UMODL1: variants seen among roughly 807,000 people sequenced by gnomAD.
UMODL1 encodes the protein uromodulin like 1, also known as uromodulin-like 1.
A neutral mutation model predicts 136.3 loss-of-function variants in UMODL1; 128 were observed. The observed-to-expected ratio is 0.94, with a 90% CI of 0.81 to 1.09. UMODL1 has a LOEUF of 1.09. Among genes scored for constraint, UMODL1 ranks in the 50% least tolerant of loss-of-function variants. The probability of loss-of-function intolerance (pLI) is 0.00; values close to 1 mark genes in which losing one functional copy is unlikely to be tolerated. For missense variants in UMODL1, 1,766 were observed against 1,725.6 expected, an observed-to-expected ratio of 1.02 and a Z score of -0.41; for synonymous variants, 721 against 720.0, an observed-to-expected ratio of 1.00 and a Z score of -0.02.
At chr21:42,128,111 A>G (rs2123370156) in intron 20 of UMODL1, 1 of 558,268 alleles carries the variant, frequency 1.8e-6, no homozygotes, top group Non-Finnish European at 3.4e-6. Context: ...CTGTCGCGTC[A>G]GCACTGCCTT....
chr21:42,097,123 T>A (rs12482477), intron 6 of UMODL1, among the ~76,000 whole-genome samples: 28,606 of 152,218 alleles, frequency 0.19, 3,154 homozygotes, highest in East Asian at 0.35. Context: ...AAAGAATGAA[T>A]CCATGTCTGT....
intron 21 of UMODL1, among the ~76,000 whole-genome samples, chr21:42,132,615 T>C (rs1236921938): frequency 6.6e-6 from 1 of 151,750 alleles, no homozygotes; most frequent in Non-Finnish European, 1.5e-5. Context: ...CATCCATCTA[T>C]CCATCCACCC....
chr21:42,134,402 A>C (rs1256434849), intron 21 of UMODL1, among the ~76,000 whole-genome samples: 1 of 152,100 alleles, frequency 6.6e-6, no homozygotes, highest in Non-Finnish European at 1.5e-5. Flanking sequence ...CACATTCATG[A>C]GCATGTCCCT....
upstream of UMODL1, among the ~76,000 whole-genome samples, chr21:42,069,309 G>T (rs188978212): frequency 1.2e-3 from 177 of 150,826 alleles, 1 homozygote; most frequent in African/African-American, 4.0e-3. Context: ...ATAAAACAGA[G>T]GTTGAAGGAG....
intron 6 of UMODL1, among the ~76,000 whole-genome samples, chr21:42,097,160 C>T (rs1264723082): frequency 6.6e-6 from 1 of 152,206 alleles, no homozygotes; most frequent in African/African-American, 2.4e-5. Flanking sequence ...CCGAAAATCA[C>T]TGGACAATCC....
chr21:42,102,090 A>G (rs2066641376), intron 7 of UMODL1, 76 bp from the exon 8 acceptor site: 1 of 1,124,394 alleles, frequency 8.9e-7, no homozygotes, highest in Non-Finnish European at 1.3e-6. Flanking sequence ...GCCAAAGAGT[A>G]GGCTTCATGG....
intron 14 of UMODL1, among the ~76,000 whole-genome samples, chr21:42,117,888 T>A (rs751896096): frequency 6.6e-6 from 1 of 152,258 alleles, no homozygotes; most frequent in African/African-American, 2.4e-5. Flanking sequence ...GTTTCTTGAT[T>A]AATCTTTCCT....
chr21:42,123,085 C>A lies in UMODL1; in HGVS notation c.3082C>A (p.His1028Asn). 6.2e-7 allele frequency: 1 copy of A among 1,614,130 alleles called. No individual in the cohort carries two copies. The highest frequency in any genetic ancestry group is 1.1e-5 in the South Asian group (1 of 91,080). The change falls in exon 17 of 23, where the codon CAC becomes AAC. Residue 1028 changes from histidine (H) to asparagine (N), a missense_variant. His to Asn is a moderately conservative substitution (Grantham distance 68, BLOSUM62 1). Transcript: ENST00000408910. This position sits in a 1 kb window ranked among gnomAD's most constrained non-coding sequence, Gnocchi z 4.4. ...CAGCCACCCCTCCTGCAACGTGAGC[C>A]ACAGCAATGGCACACACGTGCTCCT... ...YLSHPSCNVSHSNGTHVLLEA... is the reference protein window; with the variant it reads ...YLSHPSCNVSNSNGTHVLLEA...
intron 6 of UMODL1, 25 bp downstream of exon 6, chr21:42,090,463 G>A (rs1175963608): frequency 8.7e-6 from 14 of 1,611,932 alleles, no homozygotes; most frequent in African/African-American, 1.3e-5. Context: ...CTCTCAGATG[G>A]CATGGGAATG....
At chr21:42,079,506 G>A (rs893770283) in intron 2 of UMODL1, among the ~76,000 whole-genome samples, 7 of 152,210 alleles carry the variant, frequency 4.6e-5, no homozygotes, top group African/African-American at 1.4e-4. Flanking sequence ...GAGGGGAGGT[G>A]GACTCAACCT....
chr21:42,079,229 C>T (rs1272165623), intron 2 of UMODL1, among the ~76,000 whole-genome samples: 8 of 152,214 alleles, frequency 5.3e-5, no homozygotes. Flanking sequence ...TGTAAGAGAC[C>T]CTGGCCTGCT....
Position 42,102,298 on chromosome 21 carries a change from A to G in UMODL1, c.1299+20A>G. On this transcript the variant is annotated intron_variant, in intron 8 of 22. Transcript: ENST00000408910. ...CACGAGGTAAAGCCACAATGCAGAC[A>G]GAAATCTTTTCTTGGGTGTTCTGAG... 2 of 1,559,902 alleles carry G rather than the reference A, an allele frequency of 1.3e-6. No individual in the cohort carries two copies. Among genetic ancestry groups the G allele is most frequent in the Non-Finnish European group, 1.8e-6 (2 of 1,134,638 alleles).
chr21:42,090,282 C>T lies in UMODL1; in HGVS notation c.791-16C>T, dbSNP rs751647317. 2 of 1,614,028 alleles carry T rather than the reference C, an allele frequency of 1.2e-6. No individual in the cohort carries two copies. The highest frequency in any genetic ancestry group is 2.2e-5 in the East Asian group (1 of 44,874). On this transcript the variant is annotated splice_polypyrimidine_tract_variant and intron_variant, in intron 5 of 22. Coordinates refer to ENST00000408910, the MANE Select transcript of UMODL1 (RefSeq NM_001004416.3). ...CTGCGACTGCTGAGTGTGGGTCCTG[C>T]TCTCCTTCCCTGTAGATGTCAATGA...
chr21:42,131,889 C>A (rs2067138860), intron 21 of UMODL1, among the ~76,000 whole-genome samples: 1 of 152,202 alleles, frequency 6.6e-6, no homozygotes, highest in African/African-American at 2.4e-5. Context: ...CAGCCTATTT[C>A]TTTCACCCTA....
chr21:42,115,942 G>C lies in UMODL1; in HGVS notation c.2432G>C (p.Ser811Thr). The C allele has an allele frequency of 6.2e-7, 1 of 1,613,990 alleles. No homozygotes were observed. The highest frequency in any genetic ancestry group is 8.5e-7 in the Non-Finnish European group (1 of 1,179,982). Reference protein sequence around the residue: ...VRYSESFRNASSQEYRDFLEL... With the variant: ...VRYSESFRNATSQEYRDFLEL... ...TACTCAGAATCCTTTCGCAACGCAA[G>C]CAGCCAGGAGTATCGAGATTTCCTA... is the stretch of plus-strand genomic sequence containing the variant. The change falls in exon 14 of 23, where the codon AGC becomes ACC. Residue 811 changes from serine to threonine, a missense_variant. Transcript: ENST00000408910.
upstream of UMODL1, among the ~76,000 whole-genome samples, chr21:42,071,010 G>T (rs546667288): frequency 6.6e-6 from 1 of 152,228 alleles, no homozygotes; most frequent in African/African-American, 2.4e-5. Flanking sequence ...GGGATCCAGC[G>T]ATGCGGTCTG....
chr21:42,107,818 G>A (rs1359529076), intron 9 of UMODL1, among the ~76,000 whole-genome samples: 1 of 152,210 alleles, frequency 6.6e-6, no homozygotes, highest in Non-Finnish European at 1.5e-5. Context: ...TTCTGGGTGG[G>A]GCCAGCTCAG....
Position 42,099,410 on chromosome 21 carries a change from G to A in UMODL1, c.1186+230G>A, listed in dbSNP as rs2066599969. Among the ~76,000 whole-genome samples, 1 of 152,246 alleles carries A rather than the reference G, an allele frequency of 6.6e-6. No homozygotes were observed. Among genetic ancestry groups the A allele is most frequent in the Admixed American group, 6.5e-5 (1 of 15,302 alleles). On this transcript the variant is annotated intron_variant, in intron 7 of 22. Coordinates refer to ENST00000408910, the MANE Select transcript of UMODL1 (RefSeq NM_001004416.3). This position sits in a 1 kb window ranked among gnomAD's most constrained non-coding sequence, Gnocchi z 4.1. ...GCTTCCCTACATGTCGTCCTGTTAGGGGTTCGTTCTGCCGTGTGAGGGGAC... is the reference window on the plus strand; with the variant it reads ...GCTTCCCTACATGTCGTCCTGTTAGAGGTTCGTTCTGCCGTGTGAGGGGAC...
At position 42,085,922 on chromosome 21, in the gene UMODL1, G is replaced by A. The variant is rs373549099; in HGVS notation, c.603+510G>A. On this transcript the variant is annotated intron_variant, in intron 4 of 22. Coordinates refer to ENST00000408910, the MANE Select transcript of UMODL1 (RefSeq NM_001004416.3). This position sits in a 1 kb window ranked among gnomAD's most constrained non-coding sequence, Gnocchi z 4.5. ...CACACAAGTCAGAAGCACACCCCAGGGTGGCATCCAAAACTGTCTCCAGAC... is the reference window on the plus strand; with the variant it reads ...CACACAAGTCAGAAGCACACCCCAGAGTGGCATCCAAAACTGTCTCCAGAC... Among the ~76,000 whole-genome samples, 5 of 152,262 alleles carry A rather than the reference G, an allele frequency of 3.3e-5. 1 individual carries two copies. The East Asian group carries it at 9.7e-4, about 30-fold the overall frequency.
Sources: allele counts gnomAD v4.1 joint callset (sites outside exome capture counted in the v4.1 genomes callset), GRCh38; gene constraint gnomAD v4.1.1; non-coding constraint Gnocchi (gnomAD v3.1); transcripts MANE v1.5; gene names NCBI Gene and HGNC (gene_info 2026-07-23, HGNC 2026-07-21).